ZNF91: variants seen among roughly 807,000 people sequenced by gnomAD.
The protein encoded by ZNF91 is zinc finger protein 91.
Under a neutral mutation model 12.6 loss-of-function variants are expected in ZNF91, and 7 were observed. The observed-to-expected ratio is 0.55, with a 90% CI of 0.31 to 1.04. ZNF91 has a LOEUF of 1.04. ZNF91 is among the 50% of genes least tolerant of loss of function. The pLI, the probability that ZNF91 is intolerant of heterozygous loss-of-function variation, is 0.05. For synonymous variants in ZNF91, 453 were observed against 462.6 expected (o/e 0.98, Z 0.27); for missense variants, 1,217 against 1,385.4 (o/e 0.88, Z 1.93).
At position 23,322,513 on chromosome 19, in the gene ZNF91, T is replaced by G. The variant is rs750139404; in HGVS notation, n.117-13416A>C. Reference sequence around the variant, plus strand: ...CCACAGGTGTATTACCACATATCTTTTCCTTTAGCTCTGAAATTGAGCTCT... The same window carrying G: ...CCACAGGTGTATTACCACATATCTTGTCCTTTAGCTCTGAAATTGAGCTCT... On this transcript the variant is annotated intron_variant and non_coding_transcript_variant, in intron 1 of 1. Transcript: ENST00000596528. Among the ~76,000 whole-genome samples, 46 of 152,318 alleles carry G rather than the reference T, an allele frequency of 3.0e-4. 1 individual carries two copies. In the Middle Eastern group the frequency reaches 0.014, roughly 45 times the overall value.
intron 3 of ZNF91, among the ~76,000 whole-genome samples, chr19:23,370,741 A>G (rs1969243830): frequency 6.6e-6 from 1 of 152,170 alleles, no homozygotes; most frequent in African/African-American, 2.4e-5. Flanking sequence ...TTTGGGCTCA[A>G]GCAATCCTCC....
At position 23,360,198 on chromosome 19, in the gene ZNF91, T is replaced by C. The variant is rs760168470; in HGVS notation, c.2781A>G (p.Thr927=). ...TCTCTCCAGTGTGCATCCTCTTATG[T>C]GTAGTAAGGTGTGAAGGCTGGCTAA... The part of the protein sequence containing the change: ...KAFSQPSHLT[T]HKRMHTGEKP... Residue 927 remains threonine, a synonymous_variant, in exon 4 of 4, where the codon ACA becomes ACG. Coordinates refer to ENST00000300619, the MANE Select transcript of ZNF91 (RefSeq NM_003430.4). The C allele has an allele frequency of 6.2e-7, 1 of 1,613,724 alleles. No individual in the cohort carries two copies. The highest frequency in any genetic ancestry group is 1.7e-5 in the Admixed American group (1 of 60,008).
intron 3 of ZNF91, chr19:23,342,235 G>T: frequency 1.9e-6 from 1 of 531,072 alleles, no homozygotes. Flanking sequence ...CTCAAAGCAG[G>T]ATATCAGATC....
At chr19:23,328,475 T>C (rs1206771946) in intron 1 of ZNF91, 1 of 152,140 alleles carries the variant, frequency 6.6e-6, no homozygotes, top group African/African-American at 2.4e-5. Flanking sequence ...AAGTACAGTG[T>C]CTGGAAGAAG....
chr19:23,360,436 T>A lies in ZNF91; in HGVS notation c.2543A>T (p.His848Leu). 3.1e-6 allele frequency: 5 copies of A among 1,614,070 alleles called. No homozygotes were observed. The highest frequency in any genetic ancestry group is 4.2e-6 in the Non-Finnish European group (5 of 1,179,984). Residue 848 changes from histidine (H) to leucine (L), a missense_variant, in exon 4 of 4, where the codon CAT (histidine) becomes CTT (leucine). By Grantham distance (99) the His-to-Leu change is moderately conservative. Coordinates refer to ENST00000300619, the MANE Select transcript of ZNF91 (RefSeq NM_003430.4). The part of the protein sequence containing the change: ...SSALAKHKII[H>L]AGEKLYKCEE... ...ACATTTGTAGAGTTTCTCTCCAGCA[T>A]GTATTATTTTATGTTTAGCAAGGGC... is the stretch of plus-strand genomic sequence containing the variant.
chr19:23,362,601 A>G lies in ZNF91; in HGVS notation c.378T>C (p.Cys126=). 6.3e-7 allele frequency: 1 copy of G among 1,596,292 alleles called. No homozygotes were observed. The stretch of plus-strand genomic sequence containing the variant: ...GCACCTTACACTCATCCACACTTTT[A>G]CAACCTTTTCTTAACTGTAAATTCT... ...GHENLQLRKG[C]KSVDECKVHK... is the part of the protein sequence containing the mutation. Residue 126 remains cysteine (C), a synonymous_variant, in exon 4 of 4, where the codon TGT becomes TGC. Coordinates refer to ENST00000300619, the MANE Select transcript of ZNF91 (RefSeq NM_003430.4).
intron 1 of ZNF91, chr19:23,324,053 G>A (rs1416422017): frequency 7.9e-6 from 1 of 126,436 alleles, no homozygotes; most frequent in Non-Finnish European, 1.7e-5. Flanking sequence ...CCTCCTCCTT[G>A]TCCATCTCCT....
intron 3 of ZNF91, among the ~76,000 whole-genome samples, chr19:23,367,520 T>A (rs572335406): frequency 2.6e-5 from 4 of 152,250 alleles, no homozygotes; most frequent in African/African-American, 9.6e-5. Context: ...AGAATCTTTA[T>A]AAAAATCCCA....
At chr19:23,320,913 G>C (rs1568366751) in intron 1 of ZNF91, among the ~76,000 whole-genome samples, 1 of 152,140 alleles carries the variant, frequency 6.6e-6, no homozygotes, top group Non-Finnish European at 1.5e-5. Flanking sequence ...ATGGATTTTT[G>C]TTATGCATGG....
chr19:23,359,905 T>C lies in ZNF91; in HGVS notation c.3074A>G (p.Glu1025Gly), dbSNP rs879093514. 1 of 1,583,908 alleles carries C rather than the reference T, an allele frequency of 6.3e-7. No homozygotes were observed. Among genetic ancestry groups the C allele is most frequent in the Non-Finnish European group, 8.6e-7 (1 of 1,156,844 alleles). Reference sequence around the variant, plus strand: ...TCGATTAAAAGCTTTGCCACATTCTTCACATTTGTATGGTTTCTCTCCAGT... The same window carrying C: ...TCGATTAAAAGCTTTGCCACATTCTCCACATTTGTATGGTTTCTCTCCAGT... ...MHTGEKPYKC[E>G]ECGKAFNRSS... The change falls in exon 4 of 4, where the codon GAA (glutamate) becomes GGA (glycine). Residue 1025 changes from glutamate (E) to glycine (G), a missense_variant. Physicochemically the swap from Glu to Gly is moderately conservative, Grantham distance 98. This residue lies in a region of ZNF91 where 491 missense variants were observed against 489.8 expected (regional missense o/e 1.00). Transcript: ENST00000300619.
intron 1 of ZNF91, chr19:23,324,742 TA>T (rs1224388328): frequency 6.6e-6 from 1 of 152,102 alleles, no homozygotes; most frequent in East Asian, 1.9e-4. Flanking sequence ...CACACCTGAC[TA>T]AATTCTTTTT....
At chr19:23,373,164 G>GA (rs1969350446) in intron 3 of ZNF91, among the ~76,000 whole-genome samples, 2 of 152,014 alleles carry the variant, frequency 1.3e-5, no homozygotes, top group Non-Finnish European at 2.9e-5. Flanking sequence ...ATAAATACTT[G>GA]AACAAGTGTT....
intron 3 of ZNF91, among the ~76,000 whole-genome samples, chr19:23,363,855 G>A (rs1968902016): frequency 6.6e-6 from 1 of 151,910 alleles, no homozygotes; most frequent in Non-Finnish European, 1.5e-5. Context: ...AATTGTGGAG[G>A]TAAAAATATA....
Position 23,378,653 on chromosome 19 carries a change from T to C in ZNF91, c.31-3889A>G, listed in dbSNP as rs1233463114. ...TAAAAAATACAAATAATAACTTTTT[T>C]GTTTATTAATATATGTTCAGGTGTA... On this transcript the variant is annotated intron_variant, in intron 1 of 3. Transcript: ENST00000300619. Among the ~76,000 whole-genome samples, 5 of 150,902 alleles carry C rather than the reference T, an allele frequency of 3.3e-5. No homozygotes were observed. The South Asian group carries it at 6.2e-4, about 19-fold the overall frequency.
rs986786613 is a variant in ZNF91, at chr19:23,384,553, C to A, written c.31-9789G>T. The A allele has an allele frequency of 5.7e-5, 66 of 1,160,228 alleles. No homozygotes were observed. In the Admixed American group the frequency reaches 2.1e-3, roughly 37 times the overall value. The allele number at this position is 1,160,228 out of a possible 1,614,324, so 71.9% of individuals were successfully genotyped here. ...AAATGCCAGCCAAGGCCCCAATTTA[C>A]CTGAAAGCAGCCAATAACAAGAAAG... On this transcript the variant is annotated intron_variant, in intron 1 of 3. Transcript: ENST00000300619.
downstream of ZNF91, among the ~76,000 whole-genome samples, chr19:23,353,558 G>T (rs1968417527): frequency 6.6e-6 from 1 of 151,626 alleles, no homozygotes; most frequent in Non-Finnish European, 1.5e-5. Context: ...AGAGAAACAA[G>T]AACAAACCAA....
downstream of ZNF91, among the ~76,000 whole-genome samples, chr19:23,355,360 T>C (rs141467692): frequency 0.01 from 1,532 of 152,224 alleles, 36 homozygotes; most frequent in African/African-American, 0.035. Context: ...TGGGGAAGTA[T>C]ACCCTTTCAA....
upstream of ZNF91, among the ~76,000 whole-genome samples, chr19:23,314,237 T>C (rs1967515159): frequency 6.6e-6 from 1 of 152,230 alleles, no homozygotes; most frequent in Admixed American, 6.5e-5. Context: ...GACATATTTC[T>C]GGACCCATTA....
intron 3 of ZNF91, chr19:23,342,412 T>A (rs1251237819): frequency 2.9e-5 from 9 of 314,564 alleles, no homozygotes; most frequent in Non-Finnish European, 5.2e-5. Flanking sequence ...TTTTGAATAT[T>A]TAAAACATAC....
Sources: gnomAD v4.1 joint callset for allele counts (sites outside exome capture counted in the v4.1 genomes callset) on GRCh38, gnomAD v4.1.1 for gene constraint, gnomAD v4.1.1 regional missense constraint, MANE v1.5 for transcripts, NCBI Gene and HGNC (gene_info 2026-07-23, HGNC 2026-07-21) for gene names.